Variants in CHRNA7 observed in about 807,000 individuals in gnomAD.
The protein encoded by CHRNA7 is neuronal acetylcholine receptor subunit alpha-7.
Under a neutral mutation model 48.0 loss-of-function variants are expected in CHRNA7, and 17 were observed. The ratio of observed to expected loss-of-function variants is 0.35; its 90% CI spans 0.24 to 0.53. The LOEUF (loss-of-function observed/expected upper bound fraction) is 0.53, where lower values mean the gene tolerates loss of function less well. Ranked by LOEUF, CHRNA7 falls within the 20% of genes least tolerant of loss-of-function variation. The pLI is 0.92. For synonymous variants in CHRNA7, 75 were observed against 242.3 expected, an observed-to-expected ratio of 0.31 and a Z score of 6.41; for missense variants, 155 against 577.7, an observed-to-expected ratio of 0.27 and a Z score of 7.50.
At chr15:32,083,949 G>C (rs1203571958) in intron 2 of CHRNA7, among the ~76,000 whole-genome samples, 4 of 152,054 alleles carry the variant, frequency 2.6e-5, no homozygotes, top group Non-Finnish European at 5.9e-5. Flanking sequence ...TGATTTTTTA[G>C]CACCTCACTA....
chr15:32,079,542 A>G (rs78460350), intron 2 of CHRNA7, among the ~76,000 whole-genome samples: 1 of 152,208 alleles, frequency 6.6e-6, no homozygotes, highest in African/African-American at 2.4e-5. Context: ...ACTCCCATTC[A>G]CAATTGCTAC....
intron 2 of CHRNA7, among the ~76,000 whole-genome samples, chr15:32,053,907 G>T (rs6494185): frequency 6.6e-6 from 1 of 152,110 alleles, no homozygotes; most frequent in Non-Finnish European, 1.5e-5. Flanking sequence ...GGCAGTGGAC[G>T]AGGAGTAGGA....
chr15:32,073,735 A>G (rs1384227425), intron 2 of CHRNA7, among the ~76,000 whole-genome samples: 15 of 152,112 alleles, frequency 9.9e-5, no homozygotes, highest in Admixed American at 9.8e-4. Context: ...AGAGGCTAGC[A>G]CCACTTGCCC....
At chr15:32,045,880 C>G (rs1392850626) in intron 2 of CHRNA7, among the ~76,000 whole-genome samples, 4 of 142,020 alleles carry the variant, frequency 2.8e-5, no homozygotes, top group Non-Finnish European at 6.0e-5. Flanking sequence ...CATGTGTTCT[C>G]ATTGTTCAAT....
chr15:32,134,931 T>C (rs1399446745), intron 4 of CHRNA7, among the ~76,000 whole-genome samples: 1 of 152,182 alleles, frequency 6.6e-6, no homozygotes, highest in Non-Finnish European at 1.5e-5. Flanking sequence ...AGATGGAAAG[T>C]AGGAAAGAAT....
At chr15:32,146,351 C>T (rs946224496) in intron 4 of CHRNA7, among the ~76,000 whole-genome samples, 8 of 151,958 alleles carry the variant, frequency 5.3e-5, no homozygotes, top group Admixed American at 2.6e-4. Context: ...AGTTTCTAAA[C>T]GTAGAATAAA....
chr15:32,077,575 G>T (rs1315447788), intron 2 of CHRNA7, among the ~76,000 whole-genome samples: 2 of 152,100 alleles, frequency 1.3e-5, no homozygotes, highest in East Asian at 3.8e-4. Context: ...TTCATATGTT[G>T]ATCTGTATGT....
chr15:32,030,922 G>C lies in CHRNA7; in HGVS notation c.80G>C (p.Arg27Thr). ...GTGTCCCTGCAAGGCGAGTTCCAGA[G>C]GAAGCTTTACAAGGAGCTGGTCAAG... is the stretch of plus-strand genomic sequence containing the variant. ...LHVSLQGEFQ[R>T]KLYKELVKNY... The change falls in exon 2 of 10, where the codon AGG becomes ACG. Residue 27 changes from arginine (R) to threonine (T), a missense_variant. Physicochemically the swap from Arg to Thr is moderately conservative, Grantham distance 71 (BLOSUM62 -1). Transcript: ENST00000306901. The C allele has an allele frequency of 6.2e-7, 1 of 1,614,176 alleles. No individual in the cohort carries two copies. The highest frequency in any genetic ancestry group is 8.5e-7 in the Non-Finnish European group (1 of 1,180,006).
rs549470414 is a variant in CHRNA7 at position 32,136,352 on chromosome 15, G to A, written c.351-17555G>A. ...CTAAAAATACAAAAATTAGCCGGGC[G>A]TGGTGGCATGTGCCTGTAGTCCCAG... On this transcript the variant is annotated intron_variant, in intron 4 of 9. Transcript: ENST00000306901. 1.1e-3 allele frequency among the ~76,000 whole-genome samples: 174 copies of A among 152,034 alleles called. 1 individual carries two copies. Among genetic ancestry groups the A allele is most frequent in the Admixed American group, 2.1e-3 (32 of 15,284 alleles).
intron 4 of CHRNA7, among the ~76,000 whole-genome samples, chr15:32,125,400 C>T (rs1258861511): frequency 6.6e-6 from 1 of 152,232 alleles, no homozygotes; most frequent in Non-Finnish European, 1.5e-5. Context: ...GGTCTGCCAG[C>T]TCTCCTTCCC....
intron 2 of CHRNA7, among the ~76,000 whole-genome samples, chr15:32,061,849 A>C (rs2049884880): frequency 6.6e-6 from 1 of 152,052 alleles, no homozygotes; most frequent in Admixed American, 6.6e-5. Flanking sequence ...AAAACAACAA[A>C]ACAAAACAAA....
chr15:32,105,062 A>G (rs776649838), intron 3 of CHRNA7, among the ~76,000 whole-genome samples: 5 of 152,238 alleles, frequency 3.3e-5, no homozygotes, highest in African/African-American at 7.2e-5. Flanking sequence ...GATGCTCCAC[A>G]AATAAACATC....
chr15:32,031,841 T>C (rs994888070), intron 2 of CHRNA7, among the ~76,000 whole-genome samples: 5 of 152,178 alleles, frequency 3.3e-5, no homozygotes, highest in African/African-American at 1.2e-4. Flanking sequence ...TCATTATAAG[T>C]GGGTTTGGTG....
intron 3 of CHRNA7, among the ~76,000 whole-genome samples, chr15:32,105,894 T>C (rs1291516634): frequency 6.6e-6 from 1 of 152,170 alleles, no homozygotes; most frequent in Non-Finnish European, 1.5e-5. Flanking sequence ...ATCCTGGGTT[T>C]AAAACAAACC....
intron 4 of CHRNA7, among the ~76,000 whole-genome samples, chr15:32,143,499 C>G (rs1487923331): frequency 6.6e-6 from 1 of 152,092 alleles, no homozygotes; most frequent in African/African-American, 2.4e-5. Flanking sequence ...TCTCGTTGAT[C>G]TAATATTGAC....
chr15:32,040,898 A>AT (rs1418768231), intron 2 of CHRNA7, among the ~76,000 whole-genome samples: 4 of 151,148 alleles, frequency 2.6e-5, no homozygotes, highest in Admixed American at 1.3e-4. Context: ...CTGAGAATGT[A>AT]TTTTTTTTCC....
chr15:32,121,029 C>T (rs931706230), intron 4 of CHRNA7, among the ~76,000 whole-genome samples: 3 of 152,234 alleles, frequency 2.0e-5, no homozygotes, highest in African/African-American at 7.2e-5. Context: ...TAGAGATGCG[C>T]TCTTCAGCTG....
At chr15:32,106,086 G>A (rs931968185) in intron 3 of CHRNA7, among the ~76,000 whole-genome samples, 1 of 152,214 alleles carries the variant, frequency 6.6e-6, no homozygotes. Context: ...ATTGATTGCT[G>A]TTCTTGTGTT....
intron 2 of CHRNA7, among the ~76,000 whole-genome samples, chr15:32,050,975 G>T (rs1026011685): frequency 3.3e-5 from 5 of 152,134 alleles, no homozygotes; most frequent in Non-Finnish European, 5.9e-5. Context: ...TTCATGATCC[G>T]CGAATGCTGC....
Sources: gnomAD v4.1 joint callset for allele counts (sites outside exome capture counted in the v4.1 genomes callset) on GRCh38, gnomAD v4.1.1 for gene constraint, MANE v1.5 for transcripts, NCBI Gene and HGNC (gene_info 2026-07-23, HGNC 2026-07-21) for gene names.